SLIT2: variants seen among roughly 807,000 people sequenced by gnomAD.
SLIT2 encodes the protein slit homolog 2 protein.
SLIT2 carries 41 observed loss-of-function variants against 185.7 expected under a neutral mutation model. The observed-to-expected ratio is 0.22, with a 90% confidence interval of 0.17 to 0.29. SLIT2 has a LOEUF of 0.29. Among genes scored for constraint, SLIT2 ranks in the 10% least tolerant of loss-of-function variants. The pLI is 1.00. For missense variants in SLIT2, 1,571 were observed against 1,909.0 expected, an observed-to-expected ratio of 0.82 and a Z score of 3.30; for synonymous variants, 693 against 680.2, an observed-to-expected ratio of 1.02 and a Z score of -0.29.
Position 20,568,932 on chromosome 4 carries a change from G to A in SLIT2, c.3016G>A (p.Asp1006Asn). ...EVNVDDCEDN[D>N]CENNSTCVDG... ...CAACGTTGATGATTGTGAAGATAAT[G>A]ACTGTGAAAATAATTCTACATGTGT... is the stretch of plus-strand genomic sequence containing the variant. The change falls in exon 29 of 37, where the codon GAC (aspartate) becomes AAC (asparagine). Residue 1006 changes from aspartate (D) to asparagine (N), a missense_variant. Transcript: ENST00000504154. 1.2e-6 allele frequency: 2 copies of A among 1,612,306 alleles called. No individual in the cohort carries two copies. Among genetic ancestry groups the A allele is most frequent in the Non-Finnish European group, 8.5e-7 (1 of 1,178,628 alleles).
intron 4 of SLIT2, among the ~76,000 whole-genome samples, chr4:20,392,936 G>A (rs1725550166): frequency 6.6e-6 from 1 of 151,974 alleles, no homozygotes; most frequent in African/African-American, 2.4e-5. Flanking sequence ...AGGAGTACAT[G>A]CTAAAATAAT....
intron 4 of SLIT2, among the ~76,000 whole-genome samples, chr4:20,466,486 T>C (rs772999065): frequency 9.2e-5 from 14 of 151,982 alleles, no homozygotes; most frequent in Non-Finnish European, 1.5e-4. Context: ...AGACTAGTAT[T>C]TATTTTTTTT....
intron 2 of SLIT2, 41 bp from the exon 3 acceptor site, chr4:20,257,827 G>C (rs754618782): frequency 1.1e-6 from 1 of 950,150 alleles, no homozygotes; most frequent in Non-Finnish European, 1.7e-6. Context: ...TTCAGATGGT[G>C]AGTGGTAACA....
chr4:20,496,986 G>A (rs922057219), intron 9 of SLIT2, among the ~76,000 whole-genome samples: 8 of 151,764 alleles, frequency 5.3e-5, no homozygotes, highest in Non-Finnish European at 1.2e-4. Context: ...GGCCAAAATG[G>A]GTCTAGAATG....
At chr4:20,269,294 T>C (rs1197110504) in intron 4 of SLIT2, among the ~76,000 whole-genome samples, 1 of 151,824 alleles carries the variant, frequency 6.6e-6, no homozygotes, top group Non-Finnish European at 1.5e-5. Context: ...GCTCAAGTAG[T>C]CGTGTTTATT....
chr4:20,575,659 C>T (rs1726027248), intron 29 of SLIT2, among the ~76,000 whole-genome samples: 1 of 152,096 alleles, frequency 6.6e-6, no homozygotes, highest in Admixed American at 6.6e-5. Context: ...TAGCTTATTT[C>T]TCATTCATGA....
intron 12 of SLIT2, among the ~76,000 whole-genome samples, chr4:20,520,698 C>T (rs548424427): frequency 5.9e-5 from 9 of 152,194 alleles, no homozygotes; most frequent in African/African-American, 1.9e-4. Context: ...CACCTTAGCA[C>T]ACACACACCC....
chr4:20,593,534 T>G (rs2148953895), intron 30 of SLIT2, among the ~76,000 whole-genome samples: 1 of 152,238 alleles, frequency 6.6e-6, no homozygotes, highest in East Asian at 1.9e-4. Context: ...AGATGAATAA[T>G]AAGTTCTAGA....
chr4:20,252,943 A>G lies in SLIT2; in HGVS notation c.-873A>G, dbSNP rs569123357. Among the ~76,000 whole-genome samples, 1 of 152,236 alleles carries G rather than the reference A, an allele frequency of 6.6e-6. No homozygotes were observed. Among genetic ancestry groups the G allele is most frequent in the South Asian group, 2.1e-4 (1 of 4,810 alleles). On this transcript the variant is annotated 5_prime_UTR_variant, in exon 1 of 37. Transcript: ENST00000504154. ...TTGGCCTCTTGGAGTTCCTCGCCGG[A>G]GTGCTGACTAGTGGATATTTCTGCC...
intron 33 of SLIT2, among the ~76,000 whole-genome samples, chr4:20,604,052 T>G (rs78548941): frequency 4.6e-5 from 7 of 152,234 alleles, no homozygotes; most frequent in African/African-American, 1.7e-4. Context: ...GTTATGAGAA[T>G]TGAATGAATG....
chr4:20,508,022 C>A (rs548605815), intron 9 of SLIT2, among the ~76,000 whole-genome samples: 89 of 152,012 alleles, frequency 5.9e-4, no homozygotes, highest in African/African-American at 2.1e-3. Flanking sequence ...ACATTCTAAT[C>A]AATAAAGTAA....
intron 5 of SLIT2, among the ~76,000 whole-genome samples, chr4:20,472,370 C>CTATATATA (rs1447396602): frequency 4.5e-5 from 1 of 22,462 alleles, no homozygotes; most frequent in East Asian, 2.3e-3. Flanking sequence ...ATATAGATAT[C>CTATATATA]TATATCTATA....
rs79128300 is a variant in SLIT2 at position 20,513,920 on chromosome 4, A to C, written c.1058+2783A>C. Among the ~76,000 whole-genome samples, 125 of 152,330 alleles carry C rather than the reference A, an allele frequency of 8.2e-4. 2 individuals are homozygous for C. In the East Asian group the frequency reaches 0.022, roughly 27 times the overall value. On this transcript the variant is annotated intron_variant, in intron 11 of 36. Coordinates refer to ENST00000504154, the MANE Select transcript of SLIT2 (RefSeq NM_004787.4). ...GATGTTTCAAGAATTAGCAAAAAAT[A>C]TCACTGCTACTGGAGAGTAGTGGGT...
At chr4:20,441,579 G>A (rs1345560504) in intron 4 of SLIT2, among the ~76,000 whole-genome samples, 1 of 126,380 alleles carries the variant, frequency 7.9e-6, no homozygotes, top group African/African-American at 3.1e-5. Context: ...GATCCAACCC[G>A]CACTTGCAAA....
In SLIT2 at chr4:20,619,020, G is replaced by C; in HGVS notation, c.*11G>C. On this transcript the variant is annotated 3_prime_UTR_variant, in exon 37 of 37. Coordinates refer to ENST00000504154, the MANE Select transcript of SLIT2 (RefSeq NM_004787.4). ...AGGTGTGTGTCCTAAACACACTCCC[G>C]GCAGCTCTGTCTTTGGAAAAGGTTG... is the stretch of plus-strand genomic sequence containing the variant. The C allele has an allele frequency of 6.2e-7, 1 of 1,604,060 alleles. No individual in the cohort carries two copies. The highest frequency in any genetic ancestry group is 8.5e-7 in the Non-Finnish European group (1 of 1,171,492).
At position 20,420,380 on chromosome 4, in the gene SLIT2, T is replaced by C. The variant is rs188645954; in HGVS notation, c.396-47372T>C. Reference sequence around the variant, plus strand: ...CTTTTCCAAGTGATTAGTCTTTCACTATTAATTCATTCAACAAATATTGAT... The same window carrying C: ...CTTTTCCAAGTGATTAGTCTTTCACCATTAATTCATTCAACAAATATTGAT... On this transcript the variant is annotated intron_variant, in intron 4 of 36. Transcript: ENST00000504154. Among the ~76,000 whole-genome samples the C allele has an allele frequency of 4.5e-4, 68 of 152,332 alleles. 1 individual carries two copies. The highest frequency in any genetic ancestry group is 2.5e-3 in the South Asian group (12 of 4,828).
intron 4 of SLIT2, among the ~76,000 whole-genome samples, chr4:20,346,865 G>A (rs1032629236): frequency 6.6e-6 from 1 of 152,176 alleles, no homozygotes; most frequent in Non-Finnish European, 1.5e-5. Flanking sequence ...GGATCAGCAA[G>A]TCTGGTCCTT....
chr4:20,595,876 T>G (rs952403303), intron 31 of SLIT2, 42 bp downstream of exon 31: 3 of 1,541,458 alleles, frequency 1.9e-6, no homozygotes, highest in Non-Finnish European at 2.7e-6. Context: ...CAATAAGACC[T>G]AGCACAACAG....
intron 4 of SLIT2, among the ~76,000 whole-genome samples, chr4:20,440,049 G>C: frequency 6.6e-6 from 1 of 152,074 alleles, no homozygotes; most frequent in East Asian, 1.9e-4. Flanking sequence ...ATTTCAGTGG[G>C]GTTGCCAGAA....
Sources: gnomAD v4.1 joint callset for allele counts (sites outside exome capture counted in the v4.1 genomes callset) on GRCh38, gnomAD v4.1.1 for gene constraint, MANE v1.5 for transcripts, NCBI Gene and HGNC (gene_info 2026-07-23, HGNC 2026-07-21) for gene names.